EPHA3: variants seen among roughly 807,000 people sequenced by gnomAD.
The protein encoded by EPHA3 is EPH receptor A3.
In EPHA3, 42 loss-of-function variants were observed where a neutral mutation model predicts 107.1. The ratio of observed to expected loss-of-function variants is 0.39; its 90% confidence interval spans 0.31 to 0.51. The LOEUF is 0.51. Ranked by LOEUF, EPHA3 falls within the 20% of genes least tolerant of loss-of-function variation. The pLI is 0.78. For missense variants in EPHA3, 1,183 were observed against 1,211.2 expected (o/e 0.98, Z 0.35); for synonymous variants, 461 against 424.8 (o/e 1.09, Z -1.05).
At chr3:89,218,132 TTTATTA>T (rs148902822) in intron 3 of EPHA3, among the ~76,000 whole-genome samples, 3 of 151,022 alleles carry the variant, frequency 2.0e-5, no homozygotes, top group African/African-American at 4.8e-5. Flanking sequence ...CATCTTGGAT[TTTATTA>T]TTATTATTAT....
chr3:89,281,632 A>G (rs905057268), intron 3 of EPHA3, among the ~76,000 whole-genome samples: 1 of 152,224 alleles, frequency 6.6e-6, no homozygotes, highest in African/African-American at 2.4e-5. Flanking sequence ...AAATATTAAA[A>G]TAAGTAATTT....
intron 5 of EPHA3, among the ~76,000 whole-genome samples, chr3:89,375,976 T>C (rs1477742203): frequency 6.6e-6 from 1 of 151,932 alleles, no homozygotes; most frequent in African/African-American, 2.4e-5. Context: ...CTTTTTACAC[T>C]ACTTTAACCT....
chr3:89,313,828 T>C (rs1412959003), intron 3 of EPHA3, among the ~76,000 whole-genome samples: 1 of 151,992 alleles, frequency 6.6e-6, no homozygotes, highest in African/African-American at 2.4e-5. Flanking sequence ...AGCCTCTAAG[T>C]ACTACATATT....
At chr3:89,117,246 C>T (rs74596899) in intron 1 of EPHA3, among the ~76,000 whole-genome samples, 12,944 of 152,048 alleles carry the variant, frequency 0.085, 699 homozygotes, top group Middle Eastern at 0.18. Context: ...TAAGTGTAAA[C>T]TGCCTCATGT....
intron 3 of EPHA3, among the ~76,000 whole-genome samples, chr3:89,279,612 T>A (rs1705892477): frequency 6.6e-6 from 1 of 151,956 alleles, no homozygotes; most frequent in Non-Finnish European, 1.5e-5. Context: ...GGCTAATTGA[T>A]TTTTTTTCTC....
chr3:89,450,449 C>A (rs1342792483), intron 15 of EPHA3, 79 bp downstream of exon 15: 1 of 1,416,656 alleles, frequency 7.1e-7, no homozygotes. Flanking sequence ...TTTTTTAGCC[C>A]ACCCCCAAAA....
intron 3 of EPHA3, among the ~76,000 whole-genome samples, chr3:89,214,165 G>T (rs1704172279): frequency 2.6e-5 from 4 of 152,026 alleles, no homozygotes; most frequent in Admixed American, 2.0e-4. Context: ...TTAGCCAAAA[G>T]CTCTTGTCAC....
chr3:89,350,041 C>A (rs1444156926), intron 5 of EPHA3, among the ~76,000 whole-genome samples: 2 of 150,480 alleles, frequency 1.3e-5, no homozygotes, highest in Admixed American at 1.3e-4. Flanking sequence ...TCTCTGGCTG[C>A]CCTTAACATT....
chr3:89,433,614 CTGAG>C (rs1709611633), intron 13 of EPHA3, among the ~76,000 whole-genome samples: 1 of 151,910 alleles, frequency 6.6e-6, no homozygotes. Context: ...TTTTTTTAAT[CTGAG>C]TATTTTTTAA....
intron 3 of EPHA3, among the ~76,000 whole-genome samples, chr3:89,255,327 C>G (rs1705257967): frequency 6.6e-6 from 1 of 152,004 alleles, no homozygotes; most frequent in Admixed American, 6.5e-5. Flanking sequence ...ATATCATGGC[C>G]AAAGAGAGAG....
At chr3:89,446,783 A>G (rs150769827) in intron 13 of EPHA3, among the ~76,000 whole-genome samples, 511 of 152,188 alleles carry the variant, frequency 3.4e-3, no homozygotes, top group Non-Finnish European at 6.1e-3. Context: ...TTTCAGTATA[A>G]GTATACTTAT....
At chr3:89,155,243 T>C (rs1704773440) in intron 2 of EPHA3, among the ~76,000 whole-genome samples, 1 of 151,942 alleles carries the variant, frequency 6.6e-6, no homozygotes, top group Non-Finnish European at 1.5e-5. Flanking sequence ...ATAGCTTAGG[T>C]ACTATTTCTT....
At chr3:89,331,796 G>A (rs1210484371) in intron 3 of EPHA3, among the ~76,000 whole-genome samples, 4 of 152,084 alleles carry the variant, frequency 2.6e-5, no homozygotes, top group South Asian at 4.1e-4. Context: ...ATCAGCCTGG[G>A]AAATGCTAAT....
chr3:89,300,415 A>G (rs1385895465), intron 3 of EPHA3, among the ~76,000 whole-genome samples: 2 of 152,030 alleles, frequency 1.3e-5, no homozygotes, highest in East Asian at 1.9e-4. Context: ...TGACAATGCT[A>G]CACACACAGA....
At chr3:89,398,630 G>T (rs1196813203) in intron 6 of EPHA3, among the ~76,000 whole-genome samples, 15 of 152,068 alleles carry the variant, frequency 9.9e-5, no homozygotes, top group Admixed American at 8.5e-4. Flanking sequence ...TTCCTATTAG[G>T]TTTAATTCAA....
At chr3:89,310,467 A>C (rs1278079545) in intron 3 of EPHA3, among the ~76,000 whole-genome samples, 2 of 151,882 alleles carry the variant, frequency 1.3e-5, no homozygotes, top group Non-Finnish European at 2.9e-5. Flanking sequence ...TTGATTTAGG[A>C]GATGAAGTCT....
chr3:89,253,188 T>A (rs1351038839), intron 3 of EPHA3, among the ~76,000 whole-genome samples: 1 of 152,134 alleles, frequency 6.6e-6, no homozygotes, highest in African/African-American at 2.4e-5. Context: ...AACTGTAAAT[T>A]ATATACTATA....
intron 3 of EPHA3, among the ~76,000 whole-genome samples, chr3:89,339,481 G>A (rs1707468525): frequency 6.6e-6 from 1 of 152,002 alleles, no homozygotes; most frequent in African/African-American, 2.4e-5. Flanking sequence ...CAATACATTG[G>A]AAATTGGTCC....
At position 89,181,615 on chromosome 3, in the gene EPHA3, C is replaced by T. The variant is rs531425231; in HGVS notation, c.154-28245C>T. 2.0e-5 allele frequency among the ~76,000 whole-genome samples: 3 copies of T among 152,030 alleles called. 1 individual carries two copies. The highest frequency in any genetic ancestry group is 7.2e-5 in the African/African-American group (3 of 41,526). On this transcript the variant is annotated intron_variant, in intron 2 of 16. Transcript: ENST00000336596. ...ATTTGAGCTTTTGGATTATTAGTGC[C>T]ATATGCAATCAGTAAGTATGTCATA...
Sources: allele counts gnomAD v4.1 joint callset (sites outside exome capture counted in the v4.1 genomes callset), GRCh38; gene constraint gnomAD v4.1.1; transcripts MANE v1.5; gene names NCBI Gene and HGNC (gene_info 2026-07-23, HGNC 2026-07-21).